The following ATP13A5 variants were observed in gnomAD, a reference collection of about 807,000 sequenced individuals.
ATP13A5 encodes the protein probable cation-transporting ATPase 13A5.
Under a neutral mutation model 150.2 loss-of-function variants are expected in ATP13A5, and 149 were observed. The observed-to-expected ratio is 0.99, with a 90% CI of 0.87 to 1.14. The LOEUF is 1.14. Among genes scored for constraint, ATP13A5 ranks in the 50% most tolerant of loss-of-function variants. The pLI is 0.00. For missense variants in ATP13A5, 1,383 were observed against 1,449.3 expected, an observed-to-expected ratio of 0.95 and a Z score of 0.74; for synonymous variants, 497 against 522.2, an observed-to-expected ratio of 0.95 and a Z score of 0.66.
intron 1 of ATP13A5, 23 bp from the exon 2 acceptor site, chr3:193,364,303 C>T: frequency 4.4e-6 from 7 of 1,599,708 alleles, no homozygotes; most frequent in South Asian, 2.3e-5. Flanking sequence ...TTTAAAAGAT[C>T]GCTCTATTTT....
intron 26 of ATP13A5, among the ~76,000 whole-genome samples, chr3:193,289,400 G>A (rs1315364490): frequency 2.6e-5 from 4 of 152,038 alleles, no homozygotes; most frequent in Non-Finnish European, 4.4e-5. Flanking sequence ...TATATCAGTG[G>A]CCTGCAAACT....
chr3:193,276,570 A>T (rs555217950), intron 29 of ATP13A5, among the ~76,000 whole-genome samples, 180 bp downstream of exon 29: 38 of 152,356 alleles, frequency 2.5e-4, no homozygotes, highest in African/African-American at 8.4e-4. Flanking sequence ...TGCAGACTTC[A>T]AATAATTTTA....
intron 21 of ATP13A5, among the ~76,000 whole-genome samples, chr3:193,309,180 C>A (rs1718740582): frequency 6.6e-6 from 1 of 152,190 alleles, no homozygotes; most frequent in African/African-American, 2.4e-5. Context: ...ACTTGGTCAT[C>A]TTTATTTTTG....
In ATP13A5 at chr3:193,345,006, T is replaced by C. The variant is rs752250353; in HGVS notation, c.811A>G (p.Lys271Glu). 6.2e-7 allele frequency: 1 copy of C among 1,613,192 alleles called. No homozygotes were observed. The highest frequency in any genetic ancestry group is 8.5e-7 in the Non-Finnish European group (1 of 1,179,232). The change falls in exon 8 of 30, where the codon AAA becomes GAA. Residue 271 changes from lysine to glutamate, a missense_variant. Physicochemically the swap from Lys to Glu is moderately conservative, Grantham distance 56 (BLOSUM62 1). Around this residue, in one of 3 missense-constraint regions of ATP13A5, gnomAD observed 787 missense variants for 771.9 expected, o/e 1.02. Transcript: ENST00000342358. ...GATGGCCTAACACATCACTTACCTT[T>C]GTCTTTTACAATGATTGTAACCTGG... ...KVQVTIIVKDKGLEELESRLL... is the reference protein window; with the variant it reads ...KVQVTIIVKDEGLEELESRLL...
chr3:193,353,128 A>G (rs1254498478), intron 6 of ATP13A5, among the ~76,000 whole-genome samples: 2 of 152,116 alleles, frequency 1.3e-5, no homozygotes, highest in Admixed American at 6.5e-5. Flanking sequence ...CCATGGGACA[A>G]CTGTGAACTG....
chr3:193,286,044 A>T (rs1206119075), intron 26 of ATP13A5, among the ~76,000 whole-genome samples: 6 of 152,180 alleles, frequency 3.9e-5, no homozygotes, highest in African/African-American at 1.4e-4. Context: ...GCACCTAGCA[A>T]AGTGAGGTCA....
At chr3:193,340,394 A>G (rs765849890) in intron 9 of ATP13A5, among the ~76,000 whole-genome samples, 1 of 152,232 alleles carries the variant, frequency 6.6e-6, no homozygotes, top group Non-Finnish European at 1.5e-5. Context: ...ACAAATAAGT[A>G]AAAGGAAAGG....
chr3:193,312,040 G>A, intron 19 of ATP13A5, 99 bp from the exon 20 acceptor site: 1 of 1,447,946 alleles, frequency 6.9e-7, no homozygotes, highest in South Asian at 1.3e-5. Flanking sequence ...GCCTAACAGT[G>A]TGAAGGTCAG....
intron 19 of ATP13A5, among the ~76,000 whole-genome samples, 165 bp from the exon 20 acceptor site, chr3:193,312,106 C>G (rs1002793867): frequency 7.2e-5 from 11 of 152,130 alleles, no homozygotes; most frequent in Non-Finnish European, 1.5e-4. Flanking sequence ...AAAAAACACT[C>G]AAAACATTCC....
chr3:193,366,631 T>C (rs1241327201), intron 1 of ATP13A5, among the ~76,000 whole-genome samples: 1 of 152,026 alleles, frequency 6.6e-6, no homozygotes, highest in African/African-American at 2.4e-5. Flanking sequence ...AATTTAAATC[T>C]ACTCTCATCA....
intron 5 of ATP13A5, 119 bp from the exon 6 acceptor site, chr3:193,354,315 A>G (rs763744827): frequency 8.1e-6 from 7 of 868,304 alleles, no homozygotes; most frequent in Non-Finnish European, 1.2e-5. Flanking sequence ...TTTGATTAAA[A>G]AATAATGTGC....
intron 28 of ATP13A5, among the ~76,000 whole-genome samples, chr3:193,277,092 A>G (rs1211724509): frequency 6.6e-6 from 1 of 152,180 alleles, no homozygotes; most frequent in Middle Eastern, 3.2e-3. Context: ...TGTGCCCTGA[A>G]TCACAAATAC....
intron 5 of ATP13A5, among the ~76,000 whole-genome samples, chr3:193,361,971 T>G (rs1560150362): frequency 6.6e-6 from 1 of 152,190 alleles, no homozygotes; most frequent in Non-Finnish European, 1.5e-5. Flanking sequence ...ATAACACAAC[T>G]AACCGAGCAA....
chr3:193,289,035 T>G (rs772435632), intron 26 of ATP13A5, among the ~76,000 whole-genome samples: 1 of 152,174 alleles, frequency 6.6e-6, no homozygotes, highest in Admixed American at 6.6e-5. Context: ...TTCCTAGTTA[T>G]ACTTAAATTG....
intron 1 of ATP13A5, among the ~76,000 whole-genome samples, chr3:193,374,785 G>A (rs1159436592): frequency 1.3e-5 from 2 of 152,118 alleles, no homozygotes; most frequent in Admixed American, 6.5e-5. Flanking sequence ...CTGGGAGGTG[G>A]GGCGAATAAG....
At position 193,295,335 on chromosome 3, in the gene ATP13A5, C is replaced by T. The variant is rs558212463; in HGVS notation, c.2848+3796G>A. On this transcript the variant is annotated intron_variant, in intron 25 of 29. Coordinates refer to ENST00000342358, the MANE Select transcript of ATP13A5 (RefSeq NM_198505.4). ...AGATATTTGAAACTTATCCAACTTT[C>T]CTATTTTGATGTGAATGCTACTGCT... Among the ~76,000 whole-genome samples, 10 of 152,138 alleles carry T rather than the reference C, an allele frequency of 6.6e-5. No homozygotes were observed. In the South Asian group the frequency reaches 2.1e-3, roughly 32 times the overall value.
chr3:193,275,441 C>T, intron 29 of ATP13A5, 139 bp from the exon 30 acceptor site: 1 of 994,262 alleles, frequency 1.0e-6, no homozygotes, highest in South Asian at 1.6e-5. Context: ...CTCTCCTTTC[C>T]CAAGTTCTGG....
In ATP13A5 at chr3:193,314,117, A is replaced by AACAATGATC. The variant is rs1718955393; in HGVS notation, c.2226_2234dup (p.Ile743_Val745dup). ...CAAATTCTTCTGGTTCATCGGCCTCAACAATGATCACTTGGCTGCCTGGAG... is the reference window on the plus strand; with the variant it reads ...CAAATTCTTCTGGTTCATCGGCCTCAACAATGATCACAATGATCACTTGGCTGCCTGGAG... On this transcript the variant is annotated inframe_insertion, in exon 19 of 30. Transcript: ENST00000342358. 1 of 1,613,858 alleles carries AACAATGATC rather than the reference A, an allele frequency of 6.2e-7. No homozygotes were observed.
rs182328094 is a variant in ATP13A5, at chr3:193,350,294, C to T, written c.741+773G>A. 2.1e-4 allele frequency among the ~76,000 whole-genome samples: 32 copies of T among 152,148 alleles called. No individual in the cohort carries two copies. In the East Asian group the frequency reaches 5.0e-3, roughly 24 times the overall value. On this transcript the variant is annotated intron_variant, in intron 7 of 29. Coordinates refer to ENST00000342358, the MANE Select transcript of ATP13A5 (RefSeq NM_198505.4). ...AATAAATACATATATCTGGGACCTTCGTGTTTGAATTTATCCTTCAGTGGG... is the reference window on the plus strand; with the variant it reads ...AATAAATACATATATCTGGGACCTTTGTGTTTGAATTTATCCTTCAGTGGG...
Sources: gnomAD v4.1 joint callset for allele counts (sites outside exome capture counted in the v4.1 genomes callset) on GRCh38, gnomAD v4.1.1 for gene constraint, gnomAD v4.1.1 regional missense constraint, MANE v1.5 for transcripts, NCBI Gene and HGNC (gene_info 2026-07-23, HGNC 2026-07-21) for gene names.